Variants in SPIRE1 observed in about 807,000 individuals in gnomAD.
SPIRE1 encodes the protein spire type actin nucleation factor 1, also known as protein spire homolog 1.
Under a neutral mutation model 94.1 loss-of-function variants are expected in SPIRE1, and 40 were observed. The ratio of observed to expected loss-of-function variants is 0.43; its 90% CI spans 0.33 to 0.55. The LOEUF is 0.55. SPIRE1 is among the 20% of genes least tolerant of loss of function. SPIRE1 has a pLI of 0.06. For missense variants in SPIRE1, 838 were observed against 975.2 expected (o/e 0.86, Z 1.87); for synonymous variants, 376 against 371.7 (o/e 1.01, Z -0.13).
Position 12,497,388 on chromosome 18 carries a change from A to T in SPIRE1, c.973-1286T>A, listed in dbSNP as rs191282874. ...TTCTGACCACTTAGAAGGCACAGTC[A>T]TGACCAGTTTGTCCTGTTTGTTTCC... On this transcript the variant is annotated intron_variant, in intron 6 of 16. Transcript: ENST00000409402. Among the ~76,000 whole-genome samples the T allele has an allele frequency of 1.8e-3, 275 of 152,338 alleles. 1 individual carries two copies. Among genetic ancestry groups the T allele is most frequent in the African/African-American group, 6.4e-3 (265 of 41,576 alleles).
At position 12,448,709 on chromosome 18, in the gene SPIRE1, T is replaced by A. The variant is rs752761955; in HGVS notation, c.*929A>T. ...TGGCTTAATTTACTCAAGATGGATG[T>A]ACTACAAAGTTATGAAAAATGTAGC... On this transcript the variant is annotated 3_prime_UTR_variant, in exon 17 of 17. Transcript: ENST00000409402. This position sits in a 1 kb window ranked among gnomAD's most constrained non-coding sequence, Gnocchi z 4.4. 3.2e-4 allele frequency: 48 copies of A among 152,326 alleles called. No individual in the cohort carries two copies. Among genetic ancestry groups the A allele is most frequent in the Admixed American group, 1.8e-3 (27 of 15,294 alleles). The allele number at this position is 152,326 out of a possible 1,614,324, so 9.4% of individuals were successfully genotyped here. A position where few individuals can be genotyped will look rare whatever the true frequency, so the allele number is the denominator to read the frequency against.
At chr18:12,488,691 A>T (rs2033124746) in intron 8 of SPIRE1, among the ~76,000 whole-genome samples, 1 of 152,212 alleles carries the variant, frequency 6.6e-6, no homozygotes, top group Non-Finnish European at 1.5e-5. Flanking sequence ...TTTTAGATAT[A>T]CACACGTCAA....
intron 1 of SPIRE1, among the ~76,000 whole-genome samples, chr18:12,652,424 T>A (rs752644024): frequency 2.6e-5 from 4 of 152,068 alleles, no homozygotes; most frequent in Non-Finnish European, 5.9e-5. Flanking sequence ...AAATGTTAAA[T>A]AAGCCACCAA....
At chr18:12,476,588 T>TATATACAC (rs1238183759) in intron 10 of SPIRE1, among the ~76,000 whole-genome samples, 1 of 104,396 alleles carries the variant, frequency 9.6e-6, no homozygotes, top group African/African-American at 3.3e-5. Context: ...TATATATATA[T>TATATACAC]ACACACACAC....
chr18:12,520,959 T>C (rs1467387987), intron 4 of SPIRE1, among the ~76,000 whole-genome samples: 1 of 152,186 alleles, frequency 6.6e-6, no homozygotes. Context: ...TTAGTTAACA[T>C]GCAATTGGCC....
chr18:12,543,407 A>T (rs1456289753), intron 3 of SPIRE1, among the ~76,000 whole-genome samples: 1 of 152,168 alleles, frequency 6.6e-6, no homozygotes. Context: ...TGCCTAGCTG[A>T]TATTTTACCT....
At chr18:12,659,101 C>A (rs1209103301), upstream of SPIRE1, among the ~76,000 whole-genome samples, 3 of 152,120 alleles carry the variant, frequency 2.0e-5, no homozygotes, top group Non-Finnish European at 2.9e-5. Flanking sequence ...TTAATTTAAT[C>A]GATAAAATTC....
At chr18:12,510,342 C>T (rs545322332) in intron 5 of SPIRE1, among the ~76,000 whole-genome samples, 3 of 152,050 alleles carry the variant, frequency 2.0e-5, no homozygotes, top group African/African-American at 7.2e-5. Flanking sequence ...CAAAATTTAT[C>T]AAGTTATGCA....
intron 2 of SPIRE1, among the ~76,000 whole-genome samples, chr18:12,634,859 C>G (rs563617938): frequency 2.0e-5 from 3 of 151,168 alleles, no homozygotes; most frequent in African/African-American, 4.9e-5. Flanking sequence ...CGCTTGAACT[C>G]AAGAGGCAGA....
chr18:12,586,982 A>G (rs1427869359), intron 2 of SPIRE1, among the ~76,000 whole-genome samples: 1 of 152,266 alleles, frequency 6.6e-6, no homozygotes, highest in East Asian at 1.9e-4. Flanking sequence ...AGCATGTGCC[A>G]GCACTTCACC....
At position 12,544,417 on chromosome 18, in the gene SPIRE1, T is replaced by A. The variant is rs148515654; in HGVS notation, c.603+2257A>T. Among the ~76,000 whole-genome samples, 1,490 of 152,046 alleles carry A rather than the reference T, an allele frequency of 9.8e-3. 36 individuals are homozygous for A. Among genetic ancestry groups the A allele is most frequent in the African/African-American group, 0.033 (1,378 of 41,490 alleles). On this transcript the variant is annotated intron_variant, in intron 3 of 16. Transcript: ENST00000409402. ...ACAGGGTTTCCCCATGTTGGCCAGCTAGTCTTGAACTCTTGGCCTCAAGTG... is the reference window on the plus strand; with the variant it reads ...ACAGGGTTTCCCCATGTTGGCCAGCAAGTCTTGAACTCTTGGCCTCAAGTG...
intron 3 of SPIRE1, among the ~76,000 whole-genome samples, chr18:12,541,258 G>A (rs2144244611): frequency 6.6e-6 from 1 of 152,254 alleles, no homozygotes; most frequent in South Asian, 2.1e-4. Flanking sequence ...TTTAAGGCCT[G>A]GAATACGGAG....
chr18:12,626,886 A>ATT (rs1194431610), intron 2 of SPIRE1, among the ~76,000 whole-genome samples: 8,578 of 111,704 alleles, frequency 0.077, 560 homozygotes, highest in East Asian at 0.22. Flanking sequence ...ATATATATAT[A>ATT]TTTTTTTTTT....
chr18:12,575,436 G>C (rs1194176678), intron 2 of SPIRE1, among the ~76,000 whole-genome samples: 2 of 152,130 alleles, frequency 1.3e-5, no homozygotes, highest in South Asian at 2.1e-4. Flanking sequence ...CATGATCATA[G>C]CTCACTATAA....
intron 4 of SPIRE1, among the ~76,000 whole-genome samples, chr18:12,514,348 CTT>C (rs1360703340): frequency 6.6e-6 from 1 of 152,126 alleles, no homozygotes; most frequent in African/African-American, 2.4e-5. Flanking sequence ...TAGTTTATGT[CTT>C]TTTCCATAGC....
At chr18:12,650,876 CAA>C (rs34966832) in intron 1 of SPIRE1, among the ~76,000 whole-genome samples, 44 of 74,142 alleles carry the variant, frequency 5.9e-4, no homozygotes, top group Admixed American at 5.6e-4. Context: ...GACCCTGTCT[CAA>C]AAAAAAAAAA....
intron 4 of SPIRE1, among the ~76,000 whole-genome samples, chr18:12,529,368 C>CAAAA (rs145981470): frequency 7.9e-6 from 1 of 126,436 alleles, no homozygotes. Context: ...GACTCCGTCT[C>CAAAA]AAAAAAAAAA....
intron 2 of SPIRE1, among the ~76,000 whole-genome samples, chr18:12,613,682 T>G (rs1567967629): frequency 6.6e-6 from 1 of 151,958 alleles, no homozygotes; most frequent in African/African-American, 2.4e-5. Flanking sequence ...GGAGGATCAC[T>G]TGAGGTCAGG....
intron 10 of SPIRE1, among the ~76,000 whole-genome samples, chr18:12,469,097 C>A (rs947301627): frequency 6.6e-6 from 1 of 152,092 alleles, no homozygotes; most frequent in Admixed American, 6.6e-5. Context: ...TTTCCTGAAT[C>A]TCCGTTTTAA....
Sources: allele counts gnomAD v4.1 joint callset (sites outside exome capture counted in the v4.1 genomes callset), GRCh38; gene constraint gnomAD v4.1.1; non-coding constraint Gnocchi (gnomAD v3.1); transcripts MANE v1.5; gene names NCBI Gene and HGNC (gene_info 2026-07-23, HGNC 2026-07-21).